Variants in C1orf87 observed in about 807,000 individuals in gnomAD.
C1orf87 encodes uncharacterized protein C1orf87.
A neutral mutation model predicts 60.5 loss-of-function variants in C1orf87; 58 were observed. The ratio of observed to expected loss-of-function variants is 0.96; its 90% CI spans 0.78 to 1.19. C1orf87 has a LOEUF of 1.19. Ranked by LOEUF, C1orf87 falls within the 50% of genes most tolerant of loss-of-function variation. The pLI is 0.00. For missense variants in C1orf87, 673 were observed against 638.6 expected, an observed-to-expected ratio of 1.05 and a Z score of -0.58; for synonymous variants, 236 against 227.4, an observed-to-expected ratio of 1.04 and a Z score of -0.34.
rs141797847 is a variant in C1orf87, at chr1:60,012,178, GA to G, written c.1128-1723del. Among the ~76,000 whole-genome samples, 414 of 147,158 alleles carry G rather than the reference GA, an allele frequency of 2.8e-3. 1 individual carries two copies. Among genetic ancestry groups the G allele is most frequent in the African/African-American group, 8.6e-3 (346 of 40,254 alleles). Reference sequence around the variant, plus strand: ...CTACAGCACCTTCTGACGCTTTGATGAAAAAAAAAACACAAAACAACAACAA... The same window carrying G: ...CTACAGCACCTTCTGACGCTTTGATGAAAAAAAAACACAAAACAACAACAA... On this transcript the variant is annotated intron_variant, in intron 8 of 11. Coordinates refer to ENST00000371201, the MANE Select transcript of C1orf87 (RefSeq NM_152377.3).
chr1:59,993,462 A>C (rs1163733791), intron 11 of C1orf87, among the ~76,000 whole-genome samples: 2 of 152,052 alleles, frequency 1.3e-5, no homozygotes, highest in Non-Finnish European at 2.9e-5. Flanking sequence ...TATATATGTA[A>C]TTGCTTATTA....
chr1:60,001,003 C>A, intron 10 of C1orf87, 74 bp downstream of exon 10: 1 of 1,215,704 alleles, frequency 8.2e-7, no homozygotes, highest in Non-Finnish European at 1.2e-6. Context: ...GGAGAGAGCC[C>A]CATCCAGCAT....
At chr1:60,021,711 G>A (rs1013975662) in intron 8 of C1orf87, among the ~76,000 whole-genome samples, 2 of 152,158 alleles carry the variant, frequency 1.3e-5, no homozygotes, top group African/African-American at 2.4e-5. Flanking sequence ...ATCATCTACT[G>A]TCTGTCAGGG....
intron 11 of C1orf87, among the ~76,000 whole-genome samples, chr1:59,991,761 C>A (rs1194309208): frequency 6.6e-6 from 1 of 152,082 alleles, no homozygotes; most frequent in African/African-American, 2.4e-5. Context: ...TTATATATGC[C>A]AATACCAATG....
chr1:60,007,497 C>T (rs150827692), intron 9 of C1orf87, among the ~76,000 whole-genome samples: 2 of 152,160 alleles, frequency 1.3e-5, no homozygotes. Context: ...TCCTGCTTTA[C>T]ATCATCCATG....
chr1:60,008,982 G>A (rs1456790562), intron 9 of C1orf87: 1 of 193,878 alleles, frequency 5.2e-6, no homozygotes, highest in Non-Finnish European at 1.1e-5. Context: ...CCTTAAGGTG[G>A]TAGCTGCTTT....
At chr1:59,998,169 C>G (rs1482248001) in intron 10 of C1orf87, among the ~76,000 whole-genome samples, 1 of 130,806 alleles carries the variant, frequency 7.6e-6, no homozygotes, top group Non-Finnish European at 1.6e-5. Flanking sequence ...TCAGACAATG[C>G]TCATACTTCT....
At chr1:60,036,740 C>A (rs928096767) in intron 6 of C1orf87, among the ~76,000 whole-genome samples, 7 of 152,142 alleles carry the variant, frequency 4.6e-5, no homozygotes, top group African/African-American at 1.7e-4. Context: ...CCTTTTTTGG[C>A]AAACATGAAA....
At chr1:60,028,778 C>G (rs1240488451) in intron 7 of C1orf87, among the ~76,000 whole-genome samples, 1 of 151,766 alleles carries the variant, frequency 6.6e-6, no homozygotes, top group African/African-American at 2.4e-5. Flanking sequence ...TATAGATGAT[C>G]TTGTTGCAGC....
intron 11 of C1orf87, among the ~76,000 whole-genome samples, chr1:59,994,362 T>C (rs1279732464): frequency 6.6e-6 from 1 of 152,186 alleles, no homozygotes; most frequent in Non-Finnish European, 1.5e-5. Flanking sequence ...GCTTGAATTA[T>C]GGCTCACCAT....
rs146051710 is a variant in C1orf87, at chr1:60,043,891, T to C, written c.343-2760A>G. ...AGTCAAGGTATCTTTCAGTTGCTTTTGTTTTCATTTAAACATGAAAATGTA... is the reference window on the plus strand; with the variant it reads ...AGTCAAGGTATCTTTCAGTTGCTTTCGTTTTCATTTAAACATGAAAATGTA... On this transcript the variant is annotated intron_variant, in intron 3 of 11. Transcript: ENST00000371201. 5.3e-5 allele frequency among the ~76,000 whole-genome samples: 8 copies of C among 152,372 alleles called. No individual in the cohort carries two copies. In the East Asian group the frequency reaches 1.5e-3, roughly 29 times the overall value.
chr1:60,073,409 A>G (rs946807557), intron 1 of C1orf87, among the ~76,000 whole-genome samples: 1 of 152,176 alleles, frequency 6.6e-6, no homozygotes, highest in African/African-American at 2.4e-5. Context: ...AGATTGGAAA[A>G]CTAAGGCCCA....
chr1:60,001,436 T>C (rs757480203), intron 9 of C1orf87, among the ~76,000 whole-genome samples: 3 of 151,968 alleles, frequency 2.0e-5, no homozygotes, highest in Non-Finnish European at 4.4e-5. Context: ...TATGAGAAAA[T>C]AGGAAAGTAT....
rs77761686 is a variant in C1orf87 at position 60,012,444 on chromosome 1, T to C, written c.1128-1988A>G. Among the ~76,000 whole-genome samples the C allele has an allele frequency of 4.9e-3, 753 of 152,224 alleles. 4 individuals carry two copies. Among genetic ancestry groups the C allele is most frequent in the Middle Eastern group, 0.014 (4 of 294 alleles). On this transcript the variant is annotated intron_variant, in intron 8 of 11. Transcript: ENST00000371201. ...TGCCTGATTTGAATGGTATAGGACT[T>C]ACATGACCAATACAATTTTTAAGAT...
intron 9 of C1orf87, among the ~76,000 whole-genome samples, chr1:60,003,294 G>A (rs564568504): frequency 4.5e-5 from 6 of 134,346 alleles, no homozygotes; most frequent in African/African-American, 1.7e-4. Flanking sequence ...ACACAGGAAG[G>A]GGAATATCAC....
chr1:60,064,850 AT>A (rs1295615794), intron 2 of C1orf87, among the ~76,000 whole-genome samples: 18 of 87,340 alleles, frequency 2.1e-4, no homozygotes, highest in African/African-American at 6.1e-4. Flanking sequence ...TTATATATTT[AT>A]ATATTTATTA....
In C1orf87 at chr1:59,991,370, C is replaced by T. The variant is rs376524477; in HGVS notation, c.1481-537G>A. The stretch of plus-strand genomic sequence containing the variant: ...CCTACACCCATGGATGCTCAAGCCC[C>T]GATATAAAATGGAGTAGTATTTGCA... On this transcript the variant is annotated intron_variant, in intron 11 of 11. Coordinates refer to ENST00000371201, the MANE Select transcript of C1orf87 (RefSeq NM_152377.3). 9.9e-5 allele frequency among the ~76,000 whole-genome samples: 15 copies of T among 152,202 alleles called. No homozygotes were observed. In the East Asian group the frequency reaches 2.3e-3, roughly 23 times the overall value.
At chr1:60,038,953 A>G (rs1210994088) in intron 5 of C1orf87, among the ~76,000 whole-genome samples, 1 of 152,146 alleles carries the variant, frequency 6.6e-6, no homozygotes, top group Non-Finnish European at 1.5e-5. Context: ...AGGCCAGAAA[A>G]TTTGGTTGAA....
chr1:60,070,908 A>G (rs1380455562), intron 2 of C1orf87, among the ~76,000 whole-genome samples: 1 of 152,196 alleles, frequency 6.6e-6, no homozygotes, highest in Non-Finnish European at 1.5e-5. Flanking sequence ...TACCCTTGGA[A>G]AAAGCAAGGA....
Sources: allele counts gnomAD v4.1 joint callset (sites outside exome capture counted in the v4.1 genomes callset), GRCh38; gene constraint gnomAD v4.1.1; transcripts MANE v1.5; gene names NCBI Gene and HGNC (gene_info 2026-07-23, HGNC 2026-07-21).